GOLPH3L: variants seen among roughly 807,000 people sequenced by gnomAD.
The protein encoded by GOLPH3L is golgi phosphoprotein 3 like.
GOLPH3L carries 22 observed loss-of-function variants against 30.3 expected under a neutral mutation model. The observed-to-expected ratio is 0.73, with a 90% CI of 0.52 to 1.04. The LOEUF (loss-of-function observed/expected upper bound fraction) is 1.04, where lower values mean the gene tolerates loss of function less well. Ranked by LOEUF, GOLPH3L falls within the 50% of genes least tolerant of loss-of-function variation. GOLPH3L has a pLI of 0.00. For synonymous variants in GOLPH3L, 120 were observed against 128.2 expected, an observed-to-expected ratio of 0.94 and a Z score of 0.43; for missense variants, 303 against 345.8, an observed-to-expected ratio of 0.88 and a Z score of 0.98.
chr1:150,661,153 G>A (rs778686859), intron 4 of GOLPH3L, among the ~76,000 whole-genome samples: 6 of 152,050 alleles, frequency 3.9e-5, no homozygotes, highest in Admixed American at 2.0e-4. Flanking sequence ...GCTTGAACCC[G>A]GGAGGCAGAG....
At chr1:150,692,435 G>A (rs1337512460) in intron 2 of GOLPH3L, among the ~76,000 whole-genome samples, 2 of 152,198 alleles carry the variant, frequency 1.3e-5, no homozygotes, top group African/African-American at 4.8e-5. Flanking sequence ...GTTCAGGCTG[G>A]AGTGCAGTGA....
At chr1:150,664,273 G>A (rs991109535) in intron 2 of GOLPH3L, among the ~76,000 whole-genome samples, 1 of 151,932 alleles carries the variant, frequency 6.6e-6, no homozygotes, top group African/African-American at 2.4e-5. Flanking sequence ...GAAAGTGTTG[G>A]GATTACAGAC....
At chr1:150,684,325 T>G (rs1651034337) in intron 2 of GOLPH3L, among the ~76,000 whole-genome samples, 1 of 152,142 alleles carries the variant, frequency 6.6e-6, no homozygotes, top group Non-Finnish European at 1.5e-5. Flanking sequence ...GCTTGTCTAG[T>G]CATTTAGTCT....
Position 150,646,548 on chromosome 1 carries a change from T to A in GOLPH3L, c.*1773A>T, listed in dbSNP as rs1414633770. 4 of 152,202 alleles carry A rather than the reference T, an allele frequency of 2.6e-5. No individual in the cohort carries two copies. The highest frequency in any genetic ancestry group is 9.7e-5 in the African/African-American group (4 of 41,450). The allele number at this position is 152,202 out of a possible 1,614,324, so 9.4% of individuals were successfully genotyped here. Reference sequence around the variant, plus strand: ...AGCCAGACTGAAGCTGTATTCAGCCTCACATTTAGAGACTGTTTCCTATTA... The same window carrying A: ...AGCCAGACTGAAGCTGTATTCAGCCACACATTTAGAGACTGTTTCCTATTA... On this transcript the variant is annotated 3_prime_UTR_variant, in exon 5 of 5. Coordinates refer to ENST00000271732, the MANE Select transcript of GOLPH3L (RefSeq NM_018178.6).
intron 2 of GOLPH3L, among the ~76,000 whole-genome samples, chr1:150,673,069 C>A (rs1427486607): frequency 1.3e-5 from 2 of 151,692 alleles, no homozygotes; most frequent in Non-Finnish European, 2.9e-5. Context: ...AAGGGAAATG[C>A]AAAATAAAGG....
intron 2 of GOLPH3L, among the ~76,000 whole-genome samples, chr1:150,689,881 G>C (rs1416324001): frequency 6.6e-6 from 1 of 151,724 alleles, no homozygotes; most frequent in East Asian, 1.9e-4. Flanking sequence ...CAAGTGATTT[G>C]CCCGCCTCAA....
At chr1:150,685,295 G>C (rs1651055198) in intron 2 of GOLPH3L, among the ~76,000 whole-genome samples, 1 of 152,122 alleles carries the variant, frequency 6.6e-6, no homozygotes, top group Non-Finnish European at 1.5e-5. Flanking sequence ...CCAGGAGTGA[G>C]CTTTGCTGGG....
chr1:150,672,116 G>C (rs185926922), intron 2 of GOLPH3L, among the ~76,000 whole-genome samples: 149 of 152,184 alleles, frequency 9.8e-4, no homozygotes, highest in African/African-American at 3.6e-3. Context: ...CATTAAAATT[G>C]CTTCACCTTC....
chr1:150,687,253 G>A (rs1317302958), intron 2 of GOLPH3L, among the ~76,000 whole-genome samples: 4 of 151,986 alleles, frequency 2.6e-5, no homozygotes, highest in Non-Finnish European at 4.4e-5. Flanking sequence ...TAATCAACAA[G>A]TTGGACACTG....
intron 1 of GOLPH3L, among the ~76,000 whole-genome samples, 196 bp downstream of exon 1, chr1:150,696,796 A>C (rs951198293): frequency 1.5e-4 from 1 of 6,816 alleles, no homozygotes; most frequent in Admixed American, 1.8e-3. Context: ...GCAGGGGGGG[A>C]GGGGGAGAGG....
chr1:150,692,958 T>A (rs1256016027), intron 2 of GOLPH3L, among the ~76,000 whole-genome samples: 1 of 152,246 alleles, frequency 6.6e-6, no homozygotes. Flanking sequence ...AGGTAATGTG[T>A]AAACGTCTCA....
intron 2 of GOLPH3L, among the ~76,000 whole-genome samples, chr1:150,682,867 T>A (rs1056456825): frequency 1.3e-5 from 2 of 152,162 alleles, no homozygotes; most frequent in Non-Finnish European, 2.9e-5. Flanking sequence ...CTTGGACAAC[T>A]GTGAATAGGT....
intron 2 of GOLPH3L, among the ~76,000 whole-genome samples, chr1:150,693,797 A>G (rs12058548): frequency 4.4e-4 from 27 of 60,972 alleles, no homozygotes; most frequent in South Asian, 2.8e-3. Context: ...TTGTTTATGT[A>G]TGTGTGTGTG....
intron 4 of GOLPH3L, among the ~76,000 whole-genome samples, chr1:150,656,809 A>G (rs1650250500): frequency 6.6e-6 from 1 of 152,316 alleles, no homozygotes; most frequent in Admixed American, 6.5e-5. Flanking sequence ...CACTTAGCTA[A>G]CTTTGTGGGT....
chr1:150,678,416 C>T (rs1650870639), intron 2 of GOLPH3L, among the ~76,000 whole-genome samples: 1 of 150,972 alleles, frequency 6.6e-6, no homozygotes, highest in African/African-American at 2.4e-5. Flanking sequence ...GTCTAAGTGA[C>T]TCCTTATTAT....
At chr1:150,651,821 A>C (rs1650111671) in intron 4 of GOLPH3L, among the ~76,000 whole-genome samples, 1 of 152,110 alleles carries the variant, frequency 6.6e-6, no homozygotes, top group Non-Finnish European at 1.5e-5. Context: ...TCAGAGAAAT[A>C]TAAAGTATCA....
chr1:150,667,003 A>G (rs1474422187), intron 2 of GOLPH3L, among the ~76,000 whole-genome samples: 1 of 152,138 alleles, frequency 6.6e-6, no homozygotes, highest in Non-Finnish European at 1.5e-5. Flanking sequence ...CTTCCTTCAG[A>G]GGGAAAGATC....
At chr1:150,694,578 T>TTGG in intron 2 of GOLPH3L, 78 bp downstream of exon 2, 1 of 849,610 alleles carries the variant, frequency 1.2e-6, no homozygotes, top group Non-Finnish European at 1.8e-6. Context: ...TTATTAAATA[T>TTGG]ATTCCATTAG....
chr1:150,686,955 A>AT (rs35617865), intron 2 of GOLPH3L, among the ~76,000 whole-genome samples: 58,452 of 151,870 alleles, frequency 0.38, 11,580 homozygotes, highest in South Asian at 0.55. Context: ...ACAAAAGTTA[A>AT]TTTTTTTAAC....
Sources: allele counts gnomAD v4.1 joint callset (sites outside exome capture counted in the v4.1 genomes callset), GRCh38; gene constraint gnomAD v4.1.1; transcripts MANE v1.5; gene names NCBI Gene and HGNC (gene_info 2026-07-23, HGNC 2026-07-21).